The following RIMKLB variants were observed in gnomAD, a reference collection of about 807,000 sequenced individuals.
The protein encoded by RIMKLB is ribosomal modification protein rimK like family member B.
In RIMKLB, 7 loss-of-function variants were observed where a neutral mutation model predicts 32.0. The ratio of observed to expected loss-of-function variants is 0.22; its 90% CI spans 0.12 to 0.41. The LOEUF (loss-of-function observed/expected upper bound fraction) is 0.41, where lower values mean the gene tolerates loss of function less well. Ranked by LOEUF, RIMKLB falls within the 10% of genes least tolerant of loss-of-function variation. The probability of loss-of-function intolerance (pLI) is 1.00; values close to 1 mark genes in which losing one functional copy is unlikely to be tolerated. For synonymous variants in RIMKLB, 172 were observed against 185.1 expected, an observed-to-expected ratio of 0.93 and a Z score of 0.57; for missense variants, 289 against 498.7, an observed-to-expected ratio of 0.58 and a Z score of 4.00.
chr12:8,744,420 T>C (rs1371468909), intron 2 of RIMKLB, among the ~76,000 whole-genome samples: 1 of 151,872 alleles, frequency 6.6e-6, no homozygotes, highest in Admixed American at 6.6e-5. Flanking sequence ...GTTTTTTGCT[T>C]TCTTTATCCC....
intron 2 of RIMKLB, among the ~76,000 whole-genome samples, chr12:8,724,888 G>C (rs1006518007): frequency 6.6e-6 from 1 of 152,170 alleles, no homozygotes; most frequent in African/African-American, 2.4e-5. Flanking sequence ...TCTGTTACTT[G>C]CTTCATTCTC....
At chr12:8,716,290 A>G (rs1944820989) in intron 2 of RIMKLB, among the ~76,000 whole-genome samples, 1 of 152,158 alleles carries the variant, frequency 6.6e-6, no homozygotes, top group Non-Finnish European at 1.5e-5. Flanking sequence ...TTTTCACTTT[A>G]TTCTCAAGTG....
exon 8 of RIMKLB, chr12:8,782,940 T>G (rs920533861): frequency 3.9e-5 from 6 of 152,326 alleles, no homozygotes; most frequent in African/African-American, 1.4e-4. Flanking sequence ...GTGATCTTTT[T>G]TGCTTACCCT....
intron 1 of RIMKLB, chr12:8,700,261 A>C (rs1403404165): frequency 6.6e-6 from 1 of 152,222 alleles, no homozygotes; most frequent in Non-Finnish European, 1.5e-5. Context: ...AGCTTCAGGC[A>C]TTGGTTTGTT....
chr12:8,680,757 G>A (rs768179935), upstream of RIMKLB, among the ~76,000 whole-genome samples: 1 of 152,288 alleles, frequency 6.6e-6, no homozygotes, highest in Non-Finnish European at 1.5e-5. Context: ...GATGAAAAGC[G>A]TCGCTAGAGA....
chr12:8,732,735 C>T (rs1189507656), intron 2 of RIMKLB, among the ~76,000 whole-genome samples: 2 of 148,722 alleles, frequency 1.3e-5, no homozygotes, highest in Non-Finnish European at 1.5e-5. Context: ...GTTATGCATG[C>T]AACAGAAAAT....
At chr12:8,719,218 G>GT (rs879596096) in intron 2 of RIMKLB, among the ~76,000 whole-genome samples, 2 of 152,050 alleles carry the variant, frequency 1.3e-5, no homozygotes, top group Non-Finnish European at 2.9e-5. Flanking sequence ...GTTTTTCCAC[G>GT]TCTTTTCCTG....
At chr12:8,668,646 A>G in the RIMKLB span, 2 of 152,200 alleles carry the variant, frequency 1.3e-5, no homozygotes, top group African/African-American at 4.8e-5. Flanking sequence ...CCATGCTGTG[A>G]GCTGCTTTAT....
chr12:8,782,549 C>T lies in RIMKLB; in HGVS notation c.*298-363C>T, dbSNP rs769174395. ...ATTATGGACCTATAAATTGAACTTG[C>T]GACTGTTCACTCACTAGAGAGAACA... On this transcript the variant is annotated intron_variant, in intron 7 of 7. Transcript: ENST00000619374. 7.9e-5 allele frequency among the ~76,000 whole-genome samples: 12 copies of T among 152,144 alleles called. No homozygotes were observed. In the South Asian group the frequency reaches 1.5e-3, roughly 18 times the overall value.
At chr12:8,738,382 T>C (rs1947209890) in intron 2 of RIMKLB, among the ~76,000 whole-genome samples, 1 of 152,194 alleles carries the variant, frequency 6.6e-6, no homozygotes, top group Non-Finnish European at 1.5e-5. Context: ...GTGTTTCTGC[T>C]GGAGAACGCA....
In RIMKLB at chr12:8,776,872, C is replaced by G; in HGVS notation, c.*3088C>G. The G allele has an allele frequency of 1.0e-6, 1 of 985,734 alleles. No homozygotes were observed. The highest frequency in any genetic ancestry group is 1.2e-6 in the Non-Finnish European group (1 of 829,864). 61.1% of individuals were successfully genotyped at this position (985,734 alleles called of 1,614,324 possible). ...TGAAGGCATTGACTTTGAAAATCAT[C>G]TCTTTTTCTCAAGAAGAAAGCAATG... On this transcript the variant is annotated 3_prime_UTR_variant, in exon 6 of 6. Transcript: ENST00000535829.
chr12:8,671,805 C>T, the RIMKLB span, among the ~76,000 whole-genome samples: 17 of 151,970 alleles, frequency 1.1e-4, no homozygotes, highest in Middle Eastern at 3.4e-3. Flanking sequence ...CCCAGCTACT[C>T]GGGAGGCTGA....
chr12:8,718,794 A>G (rs1945150929), intron 2 of RIMKLB, among the ~76,000 whole-genome samples: 1 of 152,148 alleles, frequency 6.6e-6, no homozygotes, highest in African/African-American at 2.4e-5. Flanking sequence ...CTGCCCACAT[A>G]CATGGATATC....
At chr12:8,748,938 A>G (rs773620431) in intron 2 of RIMKLB, among the ~76,000 whole-genome samples, 4 of 152,134 alleles carry the variant, frequency 2.6e-5, no homozygotes, top group Non-Finnish European at 4.4e-5. Context: ...CTTTGTCTCA[A>G]AAAAAGAAGC....
At chr12:8,740,797 A>T (rs1947432762) in intron 2 of RIMKLB, among the ~76,000 whole-genome samples, 1 of 152,154 alleles carries the variant, frequency 6.6e-6, no homozygotes, top group Admixed American at 6.5e-5. Flanking sequence ...ACCCGACTGG[A>T]TGTGTTAGCT....
At chr12:8,757,596 C>G (rs1949162132) in intron 5 of RIMKLB, among the ~76,000 whole-genome samples, 1 of 152,140 alleles carries the variant, frequency 6.6e-6, no homozygotes, top group Non-Finnish European at 1.5e-5. Flanking sequence ...TTTACTCTCT[C>G]TGATCATTTT....
rs750312632 is a variant in RIMKLB at position 8,698,205 on chromosome 12, C to G, written c.-149C>G. On this transcript the variant is annotated 5_prime_UTR_variant, in exon 1 of 6. Transcript: ENST00000535829. ...CCGACCCCCTCCCCCTCCTCTCCTT[C>G]CCCCACTTCCAGCCGCCCGGCGGCC... is the stretch of plus-strand genomic sequence containing the variant. The G allele has an allele frequency of 1.4e-4, 50 of 368,040 alleles. No homozygotes were observed. Among genetic ancestry groups the G allele is most frequent in the South Asian group, 8.6e-4 (48 of 55,528 alleles). 22.8% of individuals were successfully genotyped at this position (368,040 alleles called of 1,614,324 possible). A position where few individuals can be genotyped will look rare whatever the true frequency, so the allele number is the denominator to read the frequency against.
intron 2 of RIMKLB, among the ~76,000 whole-genome samples, chr12:8,726,803 G>A (rs1450709931): frequency 6.6e-6 from 1 of 151,812 alleles, no homozygotes; most frequent in Non-Finnish European, 1.5e-5. Flanking sequence ...AACCATTGAC[G>A]TTTACAGTGC....
At chr12:8,723,804 CTTTT>C (rs35269536) in intron 2 of RIMKLB, among the ~76,000 whole-genome samples, 801 of 75,574 alleles carry the variant, frequency 0.011, 15 homozygotes, top group African/African-American at 0.038. Flanking sequence ...CTTCAGTTCC[CTTTT>C]TTTTTTTTTT....
Sources: gnomAD v4.1 joint callset for allele counts (sites outside exome capture counted in the v4.1 genomes callset) on GRCh38, gnomAD v4.1.1 for gene constraint, MANE v1.5 for transcripts, NCBI Gene and HGNC (gene_info 2026-07-23, HGNC 2026-07-21) for gene names.